Variants in RORA observed in about 807,000 individuals in gnomAD.
The protein encoded by RORA is RAR related orphan receptor A, also known as nuclear receptor ROR-alpha.
In RORA, 7 loss-of-function variants were observed where a neutral mutation model predicts 69.5. The observed-to-expected ratio is 0.10, with a 90% CI of 0.06 to 0.19. The LOEUF (loss-of-function observed/expected upper bound fraction) is 0.19, where lower values mean the gene tolerates loss of function less well. Among genes scored for constraint, RORA ranks in the 10% least tolerant of loss-of-function variants. RORA has a pLI of 1.00. For synonymous variants in RORA, 261 were observed against 240.8 expected (o/e 1.08, Z -0.78); for missense variants, 457 against 663.0 (o/e 0.69, Z 3.41).
In RORA at chr15:61,138,803, C is replaced by T. The variant is rs898287149; in HGVS notation, c.166+90250G>A. On this transcript the variant is annotated intron_variant, in intron 1 of 10. Coordinates refer to ENST00000335670, the MANE Select transcript of RORA (RefSeq NM_134261.3). ...ATGCTGGCCTAAACAGAGATAAATG[C>T]CATGACAGGGACACTGCATAAAATA... Among the ~76,000 whole-genome samples the T allele has an allele frequency of 5.9e-5, 9 of 152,028 alleles. No homozygotes were observed. The East Asian group carries it at 1.5e-3, about 26-fold the overall frequency.
At chr15:61,180,342 C>T (rs978401986) in intron 1 of RORA, among the ~76,000 whole-genome samples, 3 of 152,034 alleles carry the variant, frequency 2.0e-5, no homozygotes, top group African/African-American at 7.2e-5. Flanking sequence ...ATATCTTCTA[C>T]GAATTTGGAG....
chr15:61,195,301 A>G (rs1251478172), intron 1 of RORA, among the ~76,000 whole-genome samples: 1 of 152,032 alleles, frequency 6.6e-6, no homozygotes, highest in African/African-American at 2.4e-5. Flanking sequence ...TAAGGGTTGC[A>G]GTAACTCTCT....
chr15:60,544,970 G>T (rs1196024593), intron 2 of RORA: 2 of 152,322 alleles, frequency 1.3e-5, no homozygotes. Context: ...TAACATAAAA[G>T]CTTAATATGC....
chr15:60,970,815 G>T (rs1375403227), intron 1 of RORA, among the ~76,000 whole-genome samples: 4 of 151,930 alleles, frequency 2.6e-5, no homozygotes, highest in African/African-American at 9.7e-5. Flanking sequence ...CTTTGTGTTG[G>T]TCTCAGGTAT....
chr15:61,138,673 C>A (rs2079267546), intron 1 of RORA, among the ~76,000 whole-genome samples: 2 of 152,066 alleles, frequency 1.3e-5, no homozygotes, highest in Non-Finnish European at 1.5e-5. Context: ...CCTTTTCCTG[C>A]ACAGTCTAGG....
intron 2 of RORA, among the ~76,000 whole-genome samples, chr15:60,669,367 G>A (rs1304362059): frequency 6.9e-6 from 1 of 145,570 alleles, no homozygotes; most frequent in East Asian, 2.0e-4. Context: ...TTGTTTGTTT[G>A]TTTGTTTTTT....
chr15:60,866,941 C>T (rs1420843342), intron 1 of RORA, among the ~76,000 whole-genome samples: 1 of 152,086 alleles, frequency 6.6e-6, no homozygotes, highest in Non-Finnish European at 1.5e-5. Flanking sequence ...TCTTGGCTCA[C>T]TGTAACCACT....
chr15:60,981,702 C>T (rs916501630), intron 1 of RORA, among the ~76,000 whole-genome samples: 7 of 152,094 alleles, frequency 4.6e-5, no homozygotes, highest in African/African-American at 1.7e-4. Context: ...TGAGGTATTG[C>T]TCTCATAACT....
intron 2 of RORA, among the ~76,000 whole-genome samples, chr15:60,644,974 C>T (rs542686625): frequency 6.6e-6 from 1 of 152,290 alleles, no homozygotes; most frequent in East Asian, 1.9e-4. Flanking sequence ...CCTCAAAGTA[C>T]TATTTCGTTA....
chr15:60,556,570 C>T (rs1490612272), intron 2 of RORA, among the ~76,000 whole-genome samples: 1 of 152,156 alleles, frequency 6.6e-6, no homozygotes, highest in African/African-American at 2.4e-5. Context: ...TCTTAGTTCT[C>T]GTGTTCACTC....
chr15:60,937,715 C>T (rs1457085070), intron 1 of RORA, among the ~76,000 whole-genome samples: 1 of 152,156 alleles, frequency 6.6e-6, no homozygotes, highest in Non-Finnish European at 1.5e-5. Context: ...CGTTTCAGCT[C>T]CAACTACTGT....
intron 1 of RORA, among the ~76,000 whole-genome samples, chr15:60,820,795 C>A (rs1388413879): frequency 6.6e-6 from 1 of 152,190 alleles, no homozygotes. Flanking sequence ...CTGAGGTTCC[C>A]TTGACTATAT....
chr15:61,064,150 A>G (rs575922990), intron 1 of RORA, among the ~76,000 whole-genome samples: 7 of 152,216 alleles, frequency 4.6e-5, no homozygotes, highest in Non-Finnish European at 1.0e-4. Flanking sequence ...CCTATTGCCC[A>G]CATTATGTAA....
intron 2 of RORA, among the ~76,000 whole-genome samples, chr15:60,577,141 A>G (rs2068049610): frequency 6.6e-6 from 1 of 152,240 alleles, no homozygotes; most frequent in Non-Finnish European, 1.5e-5. Context: ...AAAGAAAACG[A>G]GGATTACAAA....
chr15:60,587,585 T>C (rs2068372932), intron 2 of RORA, among the ~76,000 whole-genome samples: 1 of 152,204 alleles, frequency 6.6e-6, no homozygotes, highest in Non-Finnish European at 1.5e-5. Flanking sequence ...CTATGGAGGA[T>C]TAAATGATGT....
intron 2 of RORA, among the ~76,000 whole-genome samples, chr15:60,604,784 T>C (rs900330303): frequency 6.6e-6 from 1 of 152,212 alleles, no homozygotes; most frequent in Non-Finnish European, 1.5e-5. Flanking sequence ...GACAAGTTAC[T>C]TATATTCTTT....
At chr15:60,929,267 C>T (rs1034377458) in intron 1 of RORA, among the ~76,000 whole-genome samples, 2 of 152,180 alleles carry the variant, frequency 1.3e-5, no homozygotes, top group East Asian at 1.9e-4. Flanking sequence ...GGCCAGGTCC[C>T]TCCTCCTCCA....
intron 1 of RORA, among the ~76,000 whole-genome samples, chr15:60,715,947 C>T (rs1161284293): frequency 1.3e-5 from 2 of 152,150 alleles, no homozygotes; most frequent in Admixed American, 6.5e-5. Flanking sequence ...AGGAGAATTG[C>T]CTTCACCCAC....
chr15:60,825,526 A>C (rs2072944292), intron 1 of RORA, among the ~76,000 whole-genome samples: 1 of 152,214 alleles, frequency 6.6e-6, no homozygotes, highest in South Asian at 2.1e-4. Flanking sequence ...CTCATTTATA[A>C]GTCCCAAGGT....
Sources: gnomAD v4.1 joint callset for allele counts (sites outside exome capture counted in the v4.1 genomes callset) on GRCh38, gnomAD v4.1.1 for gene constraint, MANE v1.5 for transcripts, NCBI Gene and HGNC (gene_info 2026-07-23, HGNC 2026-07-21) for gene names.